Variants in DIAPH1 observed in about 807,000 individuals in gnomAD.
DIAPH1 encodes the protein protein diaphanous homolog 1.
DIAPH1 carries 46 observed loss-of-function variants against 140.7 expected under a neutral mutation model. The observed-to-expected ratio is 0.33, with a 90% confidence interval of 0.26 to 0.42. The LOEUF is 0.42. Among genes scored for constraint, DIAPH1 ranks in the 10% least tolerant of loss-of-function variants. DIAPH1 has a pLI of 1.00. For synonymous variants in DIAPH1, 565 were observed against 551.6 expected (o/e 1.02, Z -0.34); for missense variants, 1,310 against 1,558.7 (o/e 0.84, Z 2.69).
intron 18 of DIAPH1, among the ~76,000 whole-genome samples, chr5:141,548,480 G>T (rs971674929): frequency 7.9e-5 from 12 of 152,174 alleles, no homozygotes; most frequent in Admixed American, 5.9e-4. Flanking sequence ...GTGTTTCTAA[G>T]TGACTACTGG....
At chr5:141,535,116 AT>A (rs1249489200) in intron 18 of DIAPH1, among the ~76,000 whole-genome samples, 1 of 151,970 alleles carries the variant, frequency 6.6e-6, no homozygotes, top group Non-Finnish European at 1.5e-5. Flanking sequence ...CGCCCGGCTA[AT>A]TTTTTTATTT....
intron 11 of DIAPH1, 189 bp downstream of exon 11, chr5:141,578,036 C>A: frequency 1.5e-6 from 1 of 663,156 alleles, no homozygotes; most frequent in South Asian, 1.7e-5. Context: ...CCTTTACTGA[C>A]TTCCCTGATC....
intron 27 of DIAPH1, among the ~76,000 whole-genome samples, chr5:141,522,658 C>T (rs763897298): frequency 2.0e-5 from 3 of 151,560 alleles, no homozygotes; most frequent in Non-Finnish European, 4.4e-5. Flanking sequence ...GCCACATCAC[C>T]TTGTGTGGTC....
At position 141,577,985 on chromosome 5, in the gene DIAPH1, A is replaced by G. The variant is rs148060475; in HGVS notation, c.1163+240T>C. On this transcript the variant is annotated intron_variant, in intron 11 of 27. Coordinates refer to ENST00000389054, the MANE Select transcript of DIAPH1 (RefSeq NM_005219.5). ...AGCTATCACATTCTAGGAAGTTTAC[A>G]CTGATTTTGATGGCTTCCATGCTCA... is the stretch of plus-strand genomic sequence containing the variant. 5.1e-6 allele frequency: 3 copies of G among 590,656 alleles called. No homozygotes were observed. In the East Asian group the frequency reaches 8.8e-5, roughly 17 times the overall value. 36.6% of individuals were successfully genotyped at this position (590,656 alleles called of 1,614,324 possible). A position where few individuals can be genotyped will look rare whatever the true frequency, so the allele number is the denominator to read the frequency against.
In DIAPH1 at chr5:141,576,293, A is replaced by T; in HGVS notation, c.1398T>A (p.Asp466Glu). 6.2e-7 allele frequency: 1 copy of T among 1,612,984 alleles called. No individual in the cohort carries two copies. The highest frequency in any genetic ancestry group is 8.5e-7 in the Non-Finnish European group (1 of 1,178,906). Residue 466 changes from aspartate to glutamate, a missense_variant and splice_region_variant, in exon 14 of 28, where the codon GAT (aspartate) becomes GAA (glutamate). Coordinates refer to ENST00000389054, the MANE Select transcript of DIAPH1 (RefSeq NM_005219.5). ...CCACCTTTGTCTTATCAATCATTTGATCTGAAAAGAAGAAGAGTCAGTAAG... is the reference window on the plus strand; with the variant it reads ...CCACCTTTGTCTTATCAATCATTTGTTCTGAAAAGAAGAAGAGTCAGTAAG... ...HLQIEIEGLI[D>E]QMIDKTKVEK...
At chr5:141,600,019 T>G (rs985784926) in intron 1 of DIAPH1, among the ~76,000 whole-genome samples, 9 of 152,184 alleles carry the variant, frequency 5.9e-5, no homozygotes, top group Admixed American at 2.0e-4. Context: ...TATAGCACCA[T>G]GCCTGGCTCA....
chr5:141,531,309 C>T (rs572205914), intron 19 of DIAPH1, among the ~76,000 whole-genome samples: 128 of 151,794 alleles, frequency 8.4e-4, no homozygotes, highest in African/African-American at 3.0e-3. Flanking sequence ...TTCTCTCTCT[C>T]TCTCTCTTTT....
chr5:141,565,851 C>G lies in DIAPH1; in HGVS notation c.2482+5577G>C, dbSNP rs577275463. 6.6e-6 allele frequency among the ~76,000 whole-genome samples: 1 copy of G among 152,238 alleles called. No homozygotes were observed. Among genetic ancestry groups the G allele is most frequent in the Non-Finnish European group, 1.5e-5 (1 of 68,022 alleles). ...AGCAGGAAAAGTAAGTGTTTCCTGT[C>G]CTGAAAGCTAAGAGAAGAAAGTCTG... On this transcript the variant is annotated intron_variant, in intron 18 of 27. Transcript: ENST00000389054. This position sits in a 1 kb window ranked among gnomAD's most constrained non-coding sequence, Gnocchi z 4.3.
At chr5:141,599,943 G>A (rs1322606696) in intron 1 of DIAPH1, among the ~76,000 whole-genome samples, 3 of 151,888 alleles carry the variant, frequency 2.0e-5, no homozygotes, top group Non-Finnish European at 4.4e-5. Context: ...TGCCAGGCTG[G>A]CCTTGAACTC....
chr5:141,616,357 G>A (rs1037442624), intron 1 of DIAPH1, among the ~76,000 whole-genome samples: 10 of 152,252 alleles, frequency 6.6e-5, no homozygotes, highest in African/African-American at 1.9e-4. Flanking sequence ...AACAACCTTC[G>A]GGCACACTTA....
At position 141,516,561 on chromosome 5, in the gene DIAPH1, A is replaced by G. The variant is rs1336164706; in HGVS notation, c.*290T>C. 1 of 468,620 alleles carries G rather than the reference A, an allele frequency of 2.1e-6. No individual in the cohort carries two copies. The highest frequency in any genetic ancestry group is 4.0e-6 in the Non-Finnish European group (1 of 253,162). The allele number at this position is 468,620 out of a possible 1,614,324, so 29.0% of individuals were successfully genotyped here. A position where few individuals can be genotyped will look rare whatever the true frequency, so the allele number is the denominator to read the frequency against. ...TCTGAGATGAGGCCCTCTGAGTAAC[A>G]GAGAGGAGACAGGGTTAAGGCAGCA... On this transcript the variant is annotated 3_prime_UTR_variant, in exon 28 of 28. Transcript: ENST00000389054.
At chr5:141,527,081 A>G (rs147417996) in intron 24 of DIAPH1, among the ~76,000 whole-genome samples, 1,740 of 152,258 alleles carry the variant, frequency 0.011, 25 homozygotes, top group African/African-American at 0.028. Flanking sequence ...GGGAGGGGAA[A>G]GAGAGGGAAG....
chr5:141,524,393 C>T (rs2154594922), intron 26 of DIAPH1, 164 bp from the exon 27 acceptor site: 2 of 699,534 alleles, frequency 2.9e-6, no homozygotes, highest in East Asian at 5.4e-5. Flanking sequence ...CTCACACGCT[C>T]ATGTTTACTT....
intron 27 of DIAPH1, 70 bp downstream of exon 27, chr5:141,524,073 C>T (rs374393341): frequency 2.0e-5 from 26 of 1,331,874 alleles, no homozygotes; most frequent in African/African-American, 7.2e-5. Flanking sequence ...GCTCTTTAGC[C>T]GCAGACTGGC....
chr5:141,526,638 T>C (rs2099887374), intron 24 of DIAPH1, among the ~76,000 whole-genome samples, 177 bp from the exon 25 acceptor site: 1 of 152,198 alleles, frequency 6.6e-6, no homozygotes, highest in Non-Finnish European at 1.5e-5. Context: ...TAGTAAACCA[T>C]GAACTATGGT....
At chr5:141,556,562 G>A (rs984336663) in intron 18 of DIAPH1, among the ~76,000 whole-genome samples, 17 of 152,194 alleles carry the variant, frequency 1.1e-4, no homozygotes, top group Non-Finnish European at 2.5e-4. Flanking sequence ...AGGTGGCAGG[G>A]CATTGCTCCT....
chr5:141,535,729 T>C (rs1015091912), intron 18 of DIAPH1, among the ~76,000 whole-genome samples: 12 of 152,202 alleles, frequency 7.9e-5, no homozygotes, highest in South Asian at 4.1e-4. Context: ...TGGACAGATA[T>C]AATTGTAAAA....
chr5:141,587,424 T>A, intron 2 of DIAPH1: 3 of 574,152 alleles, frequency 5.2e-6, no homozygotes, highest in Non-Finnish European at 9.3e-6. Context: ...GACCAAAGTA[T>A]TAAGATTTCA....
intron 18 of DIAPH1, among the ~76,000 whole-genome samples, chr5:141,549,875 A>G (rs1562301472): frequency 6.6e-6 from 1 of 152,180 alleles, no homozygotes; most frequent in Non-Finnish European, 1.5e-5. Flanking sequence ...AAACCTCAAT[A>G]TTTCAGTAAT....
Sources: gnomAD v4.1 joint callset for allele counts (sites outside exome capture counted in the v4.1 genomes callset) on GRCh38, gnomAD v4.1.1 for gene constraint, Gnocchi (gnomAD v3.1) non-coding constraint, MANE v1.5 for transcripts, NCBI Gene and HGNC (gene_info 2026-07-23, HGNC 2026-07-21) for gene names.